ENO4: variants seen among roughly 807,000 people sequenced by gnomAD.
ENO4 encodes the protein 2-phospho-D-glycerate hydro-lyase.
ENO4 carries 53 observed loss-of-function variants against 63.2 expected under a neutral mutation model. That is an observed-to-expected ratio of 0.84 (90% CI 0.67 to 1.05). ENO4 has a LOEUF of 1.05. Ranked by LOEUF, ENO4 falls within the 50% of genes least tolerant of loss-of-function variation. The pLI, the probability that ENO4 is intolerant of heterozygous loss-of-function variation, is 0.00. For missense variants in ENO4, 719 were observed against 772.0 expected (o/e 0.93, Z 0.81); for synonymous variants, 266 against 283.8 (o/e 0.94, Z 0.63).
chr10:116,863,175 G>T (rs368298367), intron 7 of ENO4, among the ~76,000 whole-genome samples: 14 of 152,356 alleles, frequency 9.2e-5, no homozygotes, highest in African/African-American at 2.9e-4. Flanking sequence ...AGACTCTTGT[G>T]CCTGCATTAG....
intron 10 of ENO4, among the ~76,000 whole-genome samples, chr10:116,896,232 AAT>A: frequency 6.6e-6 from 1 of 152,356 alleles, no homozygotes; most frequent in South Asian, 2.1e-4. Context: ...TTCTGTTGAT[AAT>A]AGAGTTAACA....
intron 10 of ENO4, among the ~76,000 whole-genome samples, chr10:116,900,143 A>T (rs1488676136): frequency 6.6e-6 from 1 of 152,254 alleles, no homozygotes; most frequent in African/African-American, 2.4e-5. Context: ...TACTGTCAAT[A>T]TGAAAATACA....
chr10:116,863,295 G>A (rs904259482), intron 7 of ENO4, among the ~76,000 whole-genome samples: 36 of 151,516 alleles, frequency 2.4e-4, no homozygotes, highest in African/African-American at 6.5e-4. Context: ...TAAATGGGCA[G>A]TGCACAGTGA....
intron 1 of ENO4, 21 bp from the exon 2 acceptor site, chr10:116,855,602 G>A (rs1846238462): frequency 6.5e-7 from 1 of 1,535,604 alleles, no homozygotes; most frequent in Non-Finnish European, 8.7e-7. Flanking sequence ...GATGATTTTT[G>A]TTCTTTTGTG....
At chr10:116,891,025 A>C (rs1847328022) in intron 10 of ENO4, among the ~76,000 whole-genome samples, 1 of 152,244 alleles carries the variant, frequency 6.6e-6, no homozygotes, top group Non-Finnish European at 1.5e-5. Context: ...ACTAATGCCC[A>C]AAAGAGCCCT....
chr10:116,857,943 CT>C (rs1564845077), intron 3 of ENO4, among the ~76,000 whole-genome samples: 1 of 152,152 alleles, frequency 6.6e-6, no homozygotes, highest in African/African-American at 2.4e-5. Flanking sequence ...AGCCAAGAAA[CT>C]TTTTTGAATA....
chr10:116,873,792 C>T (rs1846761412), intron 9 of ENO4: 8 of 810,126 alleles, frequency 9.9e-6, no homozygotes, highest in Non-Finnish European at 1.2e-5. Context: ...ACAGATTATT[C>T]CCCTCCTACT....
intron 6 of ENO4, among the ~76,000 whole-genome samples, chr10:116,862,331 G>A (rs1297126714): frequency 6.6e-6 from 1 of 152,100 alleles, no homozygotes; most frequent in Non-Finnish European, 1.5e-5. Flanking sequence ...AGGCATGGTG[G>A]TGCATGCCTG....
Position 116,876,251 on chromosome 10 carries a change from CTGAT to C in ENO4, c.1532_1535del (p.Ile511ThrfsTer44). ...GTCTGACTTGGTGGAAATAACCAAT[CTGAT>C]TGACAGTGAGTAAAAGCATACATCT... On this transcript the variant is annotated frameshift_variant, in exon 11 of 14. Coordinates refer to ENST00000341276, the MANE Select transcript of ENO4 (RefSeq NM_001242699.2). LOFTEE classifies it high-confidence loss of function. 6.5e-7 allele frequency: 1 copy of C among 1,543,946 alleles called. No individual in the cohort carries two copies.
chr10:116,874,271 ATATTT>A, intron 10 of ENO4, 70 bp downstream of exon 10: 1 of 1,188,276 alleles, frequency 8.4e-7, no homozygotes, highest in South Asian at 2.1e-5. Context: ...CTCACCTTTT[ATATTT>A]TATAACTCAC....
At chr10:116,891,809 A>G (rs1295181692) in intron 10 of ENO4, among the ~76,000 whole-genome samples, 3 of 152,178 alleles carry the variant, frequency 2.0e-5, no homozygotes, top group African/African-American at 7.2e-5. Flanking sequence ...AACTTTCTAT[A>G]TTACTACCGA....
At chr10:116,898,224 A>G (rs1220356540) in intron 10 of ENO4, among the ~76,000 whole-genome samples, 2 of 151,934 alleles carry the variant, frequency 1.3e-5, no homozygotes, top group Non-Finnish European at 2.9e-5. Context: ...GCTACTCGGG[A>G]GGCTGAGGCA....
chr10:116,882,246 ATTATTT>A lies in ENO4; in HGVS notation c.*582_*587del, dbSNP rs1418435782. The stretch of plus-strand genomic sequence containing the variant: ...CTTTTTAAATTTTAGTTTTTCTTGT[ATTATTT>A]TTATCTTTGCGAGTCTTCTTAGATC... On this transcript the variant is annotated 3_prime_UTR_variant, in exon 14 of 14. Coordinates refer to ENST00000341276, the MANE Select transcript of ENO4 (RefSeq NM_001242699.2). 2.0e-5 allele frequency: 3 copies of A among 151,912 alleles called. No homozygotes were observed. Among genetic ancestry groups the A allele is most frequent in the African/African-American group, 7.3e-5 (3 of 41,308 alleles). 9.4% of individuals were successfully genotyped at this position (151,912 alleles called of 1,614,324 possible). A position where few individuals can be genotyped will look rare whatever the true frequency, so the allele number is the denominator to read the frequency against.
intron 6 of ENO4, 55 bp from the exon 7 acceptor site, chr10:116,862,744 A>G (rs1265064975): frequency 1.1e-5 from 15 of 1,353,742 alleles, no homozygotes; most frequent in Non-Finnish European, 1.5e-5. Flanking sequence ...ATAAGTTTTT[A>G]TACTTAAATT....
chr10:116,866,578 C>T (rs572205540), intron 7 of ENO4, among the ~76,000 whole-genome samples: 3 of 152,254 alleles, frequency 2.0e-5, no homozygotes, highest in Admixed American at 2.0e-4. Context: ...AATCCCGGCA[C>T]TTTTGGGAGG....
At chr10:116,901,008 C>T (rs1473070879) in intron 10 of ENO4, 1 of 985,428 alleles carries the variant, frequency 1.0e-6, no homozygotes, top group African/African-American at 1.7e-5. Flanking sequence ...GGGGTTCTTT[C>T]TCTCTTGATA....
At chr10:116,857,641 AC>A in intron 3 of ENO4, among the ~76,000 whole-genome samples, 1 of 111,510 alleles carries the variant, frequency 9.0e-6, no homozygotes. Flanking sequence ...TGTAACAGAA[AC>A]TTTTTTTTTT....
At chr10:116,907,943 T>A (rs74161333) in intron 10 of ENO4, 12,014 of 515,298 alleles carry the variant, frequency 0.023, 902 homozygotes, top group African/African-American at 0.18. Flanking sequence ...ATAATTCTAC[T>A]GGCTAAAAAT....
chr10:116,904,765 TA>T (rs1847893043), intron 10 of ENO4, among the ~76,000 whole-genome samples: 1 of 152,236 alleles, frequency 6.6e-6, no homozygotes, highest in Non-Finnish European at 1.5e-5. Flanking sequence ...CATTGAAAAC[TA>T]ACTCTGAAAT....
Sources: gnomAD v4.1 joint callset for allele counts (sites outside exome capture counted in the v4.1 genomes callset) on GRCh38, gnomAD v4.1.1 for gene constraint, MANE v1.5 for transcripts, NCBI Gene and HGNC (gene_info 2026-07-23, HGNC 2026-07-21) for gene names.